ANKK1: variants seen among roughly 807,000 people sequenced by gnomAD.
ANKK1 encodes the protein ankyrin repeat and protein kinase domain-containing protein 1.
A neutral mutation model predicts 37.6 loss-of-function variants in ANKK1; 37 were observed. The observed-to-expected ratio is 0.98, with a 90% CI of 0.76 to 1.29. ANKK1 has a LOEUF of 1.29. Ranked by LOEUF, ANKK1 falls within the 50% of genes most tolerant of loss-of-function variation. The probability of loss-of-function intolerance (pLI) is 0.00; values close to 1 mark genes in which losing one functional copy is unlikely to be tolerated. For missense variants in ANKK1, 1,019 were observed against 990.6 expected (o/e 1.03, Z -0.39); for synonymous variants, 415 against 418.7 (o/e 0.99, Z 0.11).
chr11:113,389,967 A>G (rs183404288), intron 1 of ANKK1, among the ~76,000 whole-genome samples: 1 of 152,216 alleles, frequency 6.6e-6, no homozygotes, highest in East Asian at 1.9e-4. Flanking sequence ...CATTCTGATG[A>G]GAGACGGATA....
Position 113,393,603 on chromosome 11 carries a change from A to G in ANKK1, c.308A>G (p.Asn103Ser). 2 of 1,613,974 alleles carry G rather than the reference A, an allele frequency of 1.2e-6. No homozygotes were observed. Among genetic ancestry groups the G allele is most frequent in the Middle Eastern group, 1.6e-4 (1 of 6,062 alleles). Residue 103 changes from asparagine (N) to serine (S), a missense_variant, in exon 2 of 8, where the codon AAC (asparagine) becomes AGC (serine). Coordinates refer to ENST00000303941, the MANE Select transcript of ANKK1 (RefSeq NM_178510.2). Reference protein sequence around the residue: ...PLGIVMEFMANGSLEKVLSTH... With the variant: ...PLGIVMEFMASGSLEKVLSTH... ...GGTATTGTGATGGAGTTTATGGCCA[A>G]CGGCTCCCTGGAGAAGGTGCTGTCC...
Position 113,388,070 on chromosome 11 carries a change from G to A in ANKK1, c.185+1G>A, listed in dbSNP as rs1251844348. ...CCTGCCTTCCACCCGACGCCGCCAGGTACTGCCAGCCTCGCCCTCCCCTTT... is the reference window on the plus strand; with the variant it reads ...CCTGCCTTCCACCCGACGCCGCCAGATACTGCCAGCCTCGCCCTCCCCTTT... On this transcript the variant is annotated splice_donor_variant, in intron 1 of 7. Coordinates refer to ENST00000303941, the MANE Select transcript of ANKK1 (RefSeq NM_178510.2). LOFTEE classifies it high-confidence loss of function. 1 of 1,491,664 alleles carries A rather than the reference G, an allele frequency of 6.7e-7. No homozygotes were observed. The highest frequency in any genetic ancestry group is 1.3e-5 in the South Asian group (1 of 78,748). 92.4% of individuals were successfully genotyped at this position (1,491,664 alleles called of 1,614,324 possible). A position where few individuals can be genotyped will look rare whatever the true frequency, so the allele number is the denominator to read the frequency against.
At position 113,388,032 on chromosome 11, in the gene ANKK1, A is replaced by G. The variant is rs1950559048; in HGVS notation, c.148A>G (p.Ile50Val). The G allele has an allele frequency of 6.5e-7, 1 of 1,543,588 alleles. No individual in the cohort carries two copies. Among genetic ancestry groups the G allele is most frequent in the Admixed American group, 1.8e-5 (1 of 55,062 alleles). Residue 50 changes from isoleucine to valine, a missense_variant, in exon 1 of 8, where the codon ATC becomes GTC. Transcript: ENST00000303941. ...RHRRWRTEYA[I>V]KCAPCLPPDA... Reference sequence around the variant, plus strand: ...CAGGCGCTGGCGGACGGAGTACGCCATCAAGTGCGCCCCCTGCCTTCCACC... The same window carrying G: ...CAGGCGCTGGCGGACGGAGTACGCCGTCAAGTGCGCCCCCTGCCTTCCACC...
intron 5 of ANKK1, 134 bp from the exon 6 acceptor site, chr11:113,397,090 G>A (rs566266603): frequency 4.7e-5 from 34 of 716,652 alleles, no homozygotes; most frequent in East Asian, 1.9e-4. Context: ...CTGCCTTCTC[G>A]TGCATTTATA....
At position 113,400,000 on chromosome 11, in the gene ANKK1, C is replaced by T. The variant is rs1431194415; in HGVS notation, c.2031C>T (p.Asn677=). ...VQRSTFLSVI[N]LLEHHANVHA... is the part of the protein sequence containing the mutation. ...GGAGCACCTTCCTGAGTGTCATCAA[C>T]CTCCTAGAACATCACGCAAATGTCC... The change falls in exon 8 of 8, where the codon AAC becomes AAT. Residue 677 remains asparagine (N), a synonymous_variant. Transcript: ENST00000303941. 7.4e-6 allele frequency: 12 copies of T among 1,613,524 alleles called. No homozygotes were observed. In the South Asian group the frequency reaches 1.3e-4, roughly 18 times the overall value.
At chr11:113,395,932 G>A in intron 4 of ANKK1, 135 bp from the exon 5 acceptor site, 1 of 1,018,398 alleles carries the variant, frequency 9.8e-7, no homozygotes, top group Non-Finnish European at 1.4e-6. Flanking sequence ...AAGTCTAGCT[G>A]TTTACTCACC....
Position 113,399,078 on chromosome 11 carries a change from TG to T in ANKK1, c.1111del (p.Ala371ProfsTer8). 1 of 1,599,994 alleles carries T rather than the reference TG, an allele frequency of 6.3e-7. No individual in the cohort carries two copies. Among genetic ancestry groups the T allele is most frequent in the South Asian group, 1.1e-5 (1 of 88,082 alleles). Reference sequence around the variant, plus strand: ...AAGGTCACCCCCCTCCACTTCCTGGTGGCCCAGGGCAGTGTGGAGCAGGTGA... The same window carrying T: ...AAGGTCACCCCCCTCCACTTCCTGGTGCCCAGGGCAGTGTGGAGCAGGTGA... ...ENKVTPLHFLVAQGSVEQVRL... is the reference protein window; with the variant it reads ...ENKVTPLHFLXAQGSVEQVRL... On this transcript the variant is annotated frameshift_variant, in exon 8 of 8. Coordinates refer to ENST00000303941, the MANE Select transcript of ANKK1 (RefSeq NM_178510.2). LOFTEE classifies it low-confidence loss of function (END_TRUNC).
chr11:113,388,055 AC>A lies in ANKK1; in HGVS notation c.174del (p.Asp59ThrfsTer7). The A allele has an allele frequency of 6.6e-7, 1 of 1,507,946 alleles. No homozygotes were observed. The highest frequency in any genetic ancestry group is 8.9e-7 in the Non-Finnish European group (1 of 1,124,902). 93.4% of individuals were successfully genotyped at this position (1,507,946 alleles called of 1,614,324 possible). A position where few individuals can be genotyped will look rare whatever the true frequency, so the allele number is the denominator to read the frequency against. ...YAIKCAPCLP[P>X]DAASSDVNYL... ...CCATCAAGTGCGCCCCCTGCCTTCC[AC>A]CCGACGCCGCCAGGTACTGCCAGCC... On this transcript the variant is annotated frameshift_variant, in exon 1 of 8. Coordinates refer to ENST00000303941, the MANE Select transcript of ANKK1 (RefSeq NM_178510.2). LOFTEE classifies it high-confidence loss of function.
chr11:113,391,784 A>T (rs530168609), intron 1 of ANKK1, among the ~76,000 whole-genome samples: 2 of 152,060 alleles, frequency 1.3e-5, no homozygotes, highest in Admixed American at 1.3e-4. Context: ...ATAGAGGGAG[A>T]AGAGCAGAGA....
At chr11:113,396,335 A>T in intron 5 of ANKK1, 113 bp downstream of exon 5, 2 of 1,241,892 alleles carry the variant, frequency 1.6e-6, no homozygotes, top group Non-Finnish European at 2.2e-6. Flanking sequence ...ACTACGGCCT[A>T]GAAGGACTTT....
chr11:113,394,482 G>A (rs2138129042), intron 2 of ANKK1, among the ~76,000 whole-genome samples: 1 of 152,264 alleles, frequency 6.6e-6, no homozygotes, highest in East Asian at 1.9e-4. Context: ...TGGCCAACTT[G>A]ACAAGTGAAT....
rs1950694705 is a variant in ANKK1 at position 113,400,370 on chromosome 11, A to T, written c.*103A>T. The T allele has an allele frequency of 2.6e-6, 3 of 1,162,338 alleles. No homozygotes were observed. The allele number at this position is 1,162,338 out of a possible 1,614,324, so 72.0% of individuals were successfully genotyped here. On this transcript the variant is annotated 3_prime_UTR_variant, in exon 8 of 8. Transcript: ENST00000303941. ...TCAAGAGTTTGAGGCCAGCCTGGCC[A>T]ACATGGCAAAACCCTGTCTCTGCTA...
At position 113,400,032 on chromosome 11, in the gene ANKK1, G is replaced by T. The variant is rs377621768; in HGVS notation, c.2063G>T (p.Arg688Leu). The change falls in exon 8 of 8, where the codon CGC becomes CTC. Residue 688 changes from arginine (R) to leucine (L), a missense_variant. Coordinates refer to ENST00000303941, the MANE Select transcript of ANKK1 (RefSeq NM_178510.2). ...GAACATCACGCAAATGTCCACGCCC[G>T]CAACAAGGTGGGCTGGACACCCGCC... The part of the protein sequence containing the change: ...LLEHHANVHA[R>L]NKVGWTPAHL... The T allele has an allele frequency of 2.5e-6, 4 of 1,613,164 alleles. No individual in the cohort carries two copies. The highest frequency in any genetic ancestry group is 4.5e-5 in the East Asian group (2 of 44,870).
rs540973002 is a variant in ANKK1 at position 113,392,793 on chromosome 11, C to T, written c.186-688C>T. On this transcript the variant is annotated intron_variant, in intron 1 of 7. Transcript: ENST00000303941. ...TAGAGATGAATAATTACAGTTCATCCATAAAATGGAATAGTGTGCAGCCAC... is the reference window on the plus strand; with the variant it reads ...TAGAGATGAATAATTACAGTTCATCTATAAAATGGAATAGTGTGCAGCCAC... Among the ~76,000 whole-genome samples the T allele has an allele frequency of 2.6e-5, 4 of 152,222 alleles. No homozygotes were observed. In the South Asian group the frequency reaches 8.3e-4, roughly 32 times the overall value.
At position 113,396,145 on chromosome 11, in the gene ANKK1, C is replaced by T. The variant is rs1410214092; in HGVS notation, c.761C>T (p.Pro254Leu). 1.2e-6 allele frequency: 2 copies of T among 1,613,986 alleles called. No individual in the cohort carries two copies. Among genetic ancestry groups the T allele is most frequent in the African/African-American group, 2.7e-5 (2 of 75,024 alleles). Residue 254 changes from proline to leucine, a missense_variant, in exon 5 of 8, where the codon CCA becomes CTA. Coordinates refer to ENST00000303941, the MANE Select transcript of ANKK1 (RefSeq NM_178510.2). Reference sequence around the variant, plus strand: ...CTACAGCCTGTCTCTGACCAATGGCCAAGCGAGGCCCAGCAGATGGTGGAC... The same window carrying T: ...CTACAGCCTGTCTCTGACCAATGGCTAAGCGAGGCCCAGCAGATGGTGGAC... ...PSLQPVSDQWPSEAQQMVDLM... is the reference protein window; with the variant it reads ...PSLQPVSDQWLSEAQQMVDLM...
chr11:113,399,934 A>G lies in ANKK1; in HGVS notation c.1965A>G (p.Ala655=). 6.2e-7 allele frequency: 1 copy of G among 1,613,606 alleles called. No homozygotes were observed. The highest frequency in any genetic ancestry group is 8.5e-7 in the Non-Finnish European group (1 of 1,179,884). ...LLQCGADPNA[A]EQSGWTPLHL... is the part of the protein sequence containing the mutation. Reference sequence around the variant, plus strand: ...AGTGTGGGGCTGACCCCAATGCTGCAGAGCAGTCAGGCTGGACACCCCTCC... The same window carrying G: ...AGTGTGGGGCTGACCCCAATGCTGCGGAGCAGTCAGGCTGGACACCCCTCC... The change falls in exon 8 of 8, where the codon GCA becomes GCG. Residue 655 remains alanine, a synonymous_variant. Coordinates refer to ENST00000303941, the MANE Select transcript of ANKK1 (RefSeq NM_178510.2).
At chr11:113,392,414 C>A (rs943005912) in intron 1 of ANKK1, among the ~76,000 whole-genome samples, 3 of 152,202 alleles carry the variant, frequency 2.0e-5, no homozygotes, top group African/African-American at 7.2e-5. Context: ...CTACACTAGC[C>A]AACATGTCCA....
At position 113,399,725 on chromosome 11, in the gene ANKK1, C is replaced by T. The variant is rs1211368858; in HGVS notation, c.1756C>T (p.Leu586Phe). The change falls in exon 8 of 8, where the codon CTT (leucine) becomes TTT (phenylalanine). Residue 586 changes from leucine (L) to phenylalanine (F), a missense_variant. Coordinates refer to ENST00000303941, the MANE Select transcript of ANKK1 (RefSeq NM_178510.2). ...CKMLLRYGAS[L>F]ELPTHQGWTP... Reference sequence around the variant, plus strand: ...GATGCTGCTCAGGTACGGAGCCAGCCTTGAGCTGCCCACCCACCAGGGCTG... The same window carrying T: ...GATGCTGCTCAGGTACGGAGCCAGCTTTGAGCTGCCCACCCACCAGGGCTG... The T allele has an allele frequency of 1.2e-6, 2 of 1,600,260 alleles. No individual in the cohort carries two copies. The highest frequency in any genetic ancestry group is 2.3e-5 in the East Asian group (1 of 44,118).
rs1165823181 is a variant in ANKK1 at position 113,388,028 on chromosome 11, C to T, written c.144C>T (p.Tyr48=). The T allele has an allele frequency of 6.5e-7, 1 of 1,548,300 alleles. No individual in the cohort carries two copies. Among genetic ancestry groups the T allele is most frequent in the Admixed American group, 1.8e-5 (1 of 55,500 alleles). Residue 48 remains tyrosine, a synonymous_variant, in exon 1 of 8, where the codon TAC becomes TAT. Transcript: ENST00000303941. The part of the protein sequence containing the change: ...QARHRRWRTE[Y]AIKCAPCLPP... Reference sequence around the variant, plus strand: ...GGCACAGGCGCTGGCGGACGGAGTACGCCATCAAGTGCGCCCCCTGCCTTC... The same window carrying T: ...GGCACAGGCGCTGGCGGACGGAGTATGCCATCAAGTGCGCCCCCTGCCTTC...
Sources: allele counts gnomAD v4.1 joint callset (sites outside exome capture counted in the v4.1 genomes callset), GRCh38; gene constraint gnomAD v4.1.1; transcripts MANE v1.5; gene names NCBI Gene and HGNC (gene_info 2026-07-23, HGNC 2026-07-21).